Variants in PCLO observed in about 807,000 individuals in gnomAD.
PCLO encodes the protein piccolo presynaptic cytomatrix protein, also known as protein piccolo.
A neutral mutation model predicts 427.5 loss-of-function variants in PCLO; 82 were observed. The ratio of observed to expected loss-of-function variants is 0.19; its 90% confidence interval spans 0.16 to 0.23. PCLO has a LOEUF of 0.23. Among genes scored for constraint, PCLO ranks in the 10% least tolerant of loss-of-function variants. The probability of loss-of-function intolerance (pLI) is 1.00; values close to 1 mark genes in which losing one functional copy is unlikely to be tolerated. For missense variants in PCLO, 6,239 were observed against 6,115.9 expected (o/e 1.02, Z -0.67); for synonymous variants, 2,357 against 2,155.4 (o/e 1.09, Z -2.59).
At chr7:82,926,263 A>T (rs532035225) in intron 6 of PCLO, among the ~76,000 whole-genome samples, 1 of 152,314 alleles carries the variant, frequency 6.6e-6, no homozygotes, top group East Asian at 1.9e-4. Flanking sequence ...AAGTAGCAGT[A>T]TCATCACTAT....
chr7:82,920,855 T>C (rs994331440), intron 6 of PCLO, among the ~76,000 whole-genome samples: 2 of 151,828 alleles, frequency 1.3e-5, no homozygotes, highest in Non-Finnish European at 2.9e-5. Flanking sequence ...GAAAGATCTG[T>C]AGTTTTTTCA....
intron 20 of PCLO, among the ~76,000 whole-genome samples, chr7:82,812,130 T>G (rs981710475): frequency 6.6e-6 from 1 of 151,572 alleles, no homozygotes; most frequent in Non-Finnish European, 1.5e-5. Flanking sequence ...AAATCTCGTA[T>G]ATTCACAGTT....
At chr7:83,040,620 T>C (rs567878979) in intron 3 of PCLO, among the ~76,000 whole-genome samples, 1 of 152,284 alleles carries the variant, frequency 6.6e-6, no homozygotes, top group East Asian at 1.9e-4. Context: ...CTGACCTACA[T>C]ACAGTTCAGC....
At chr7:82,808,346 A>T (rs79206737) in intron 20 of PCLO, among the ~76,000 whole-genome samples, 190 of 152,042 alleles carry the variant, frequency 1.2e-3, no homozygotes, top group African/African-American at 4.5e-3. Flanking sequence ...TTTATTATCT[A>T]TGTTTCAAAA....
chr7:82,760,120 T>TG (rs1438453914), intron 24 of PCLO, among the ~76,000 whole-genome samples: 2 of 151,964 alleles, frequency 1.3e-5, no homozygotes, highest in Non-Finnish European at 2.9e-5. Context: ...TGTTGTGACT[T>TG]GGAGTATTAA....
intron 3 of PCLO, among the ~76,000 whole-genome samples, chr7:83,020,607 G>T (rs1024038572): frequency 1.3e-5 from 2 of 152,106 alleles, no homozygotes; most frequent in Admixed American, 1.3e-4. Flanking sequence ...GACAAATAAT[G>T]CTTGTGCCTT....
In PCLO at chr7:82,916,598, A is replaced by C. The variant is rs753514317; in HGVS notation, c.11388T>G (p.Ala3796=). 1.1e-5 allele frequency: 18 copies of C among 1,613,642 alleles called. No homozygotes were observed. The highest frequency in any genetic ancestry group is 1.5e-5 in the Non-Finnish European group (18 of 1,179,750). ...ELDEEEKEID[A]KLRYLEMGIN... ...TTCCCATTTCCAGGTATCGTAGCTT[A>C]GCATCAATCTCCTTTTCTTCTTCAT... is the stretch of plus-strand genomic sequence containing the variant. Residue 3796 remains alanine, a synonymous_variant, in exon 7 of 25, where the codon GCT becomes GCG. Transcript: ENST00000333891.
At chr7:82,799,970 C>T (rs1791309064) in intron 22 of PCLO, among the ~76,000 whole-genome samples, 1 of 152,090 alleles carries the variant, frequency 6.6e-6, no homozygotes, top group South Asian at 2.1e-4. Flanking sequence ...CCTGGTTGGA[C>T]ACAAATGCCT....
chr7:82,839,185 A>T (rs186080771), intron 14 of PCLO, among the ~76,000 whole-genome samples: 144 of 152,152 alleles, frequency 9.5e-4, no homozygotes, highest in African/African-American at 3.3e-3. Context: ...AGTGGAAGGG[A>T]TCCATATTTC....
chr7:82,967,638 T>G (rs1795808994), intron 3 of PCLO, among the ~76,000 whole-genome samples: 1 of 152,162 alleles, frequency 6.6e-6, no homozygotes, highest in Non-Finnish European at 1.5e-5. Flanking sequence ...TTTGATAAAC[T>G]GGTTGAGAAT....
chr7:82,857,931 A>C (rs1215539453), intron 10 of PCLO, among the ~76,000 whole-genome samples: 14 of 152,154 alleles, frequency 9.2e-5, no homozygotes, highest in Non-Finnish European at 1.5e-5. Context: ...AAAGATTAAT[A>C]TTTTAATTGA....
intron 3 of PCLO, among the ~76,000 whole-genome samples, chr7:83,025,183 G>C (rs1257622684): frequency 6.6e-6 from 1 of 151,994 alleles, no homozygotes; most frequent in Non-Finnish European, 1.5e-5. Flanking sequence ...TCAAACCAAA[G>C]GCAAAGAAGT....
At chr7:83,128,771 T>C (rs1188447041) in intron 3 of PCLO, among the ~76,000 whole-genome samples, 1 of 152,124 alleles carries the variant, frequency 6.6e-6, no homozygotes, top group Non-Finnish European at 1.5e-5. Context: ...ACACTCATAC[T>C]CACTAGAAAG....
At chr7:82,763,106 T>C (rs1473867066) in intron 22 of PCLO, among the ~76,000 whole-genome samples, 1 of 152,092 alleles carries the variant, frequency 6.6e-6, no homozygotes, top group Non-Finnish European at 1.5e-5. Flanking sequence ...ACATGAATAT[T>C]AGAAAGAAAT....
intron 3 of PCLO, among the ~76,000 whole-genome samples, chr7:83,038,081 ATATCTT>A (rs1206461678): frequency 2.5e-5 from 2 of 78,508 alleles, no homozygotes; most frequent in African/African-American, 9.3e-5. Flanking sequence ...ATTTATATAT[ATATCTT>A]TATATATATA....
chr7:83,061,261 A>G (rs1789536162), intron 3 of PCLO, among the ~76,000 whole-genome samples: 1 of 152,142 alleles, frequency 6.6e-6, no homozygotes, highest in South Asian at 2.1e-4. Context: ...GTTTTTCATT[A>G]GAGTCCTCTT....
intron 3 of PCLO, among the ~76,000 whole-genome samples, chr7:82,968,034 TAA>T (rs1473873265): frequency 6.6e-6 from 1 of 152,236 alleles, no homozygotes; most frequent in Non-Finnish European, 1.5e-5. Context: ...AAAAGATATC[TAA>T]GTTTCATTTC....
chr7:83,044,907 TG>T (rs1407969940), intron 3 of PCLO, among the ~76,000 whole-genome samples: 1 of 152,172 alleles, frequency 6.6e-6, no homozygotes, highest in Admixed American at 6.6e-5. Flanking sequence ...ATATTTCTTT[TG>T]TCATTTAACA....
chr7:82,941,880 C>CA (rs1191301958), intron 6 of PCLO, among the ~76,000 whole-genome samples: 7 of 152,018 alleles, frequency 4.6e-5, no homozygotes, highest in Non-Finnish European at 8.8e-5. Context: ...GCAATTTAAA[C>CA]AGATATACAA....
Sources: allele counts gnomAD v4.1 joint callset (sites outside exome capture counted in the v4.1 genomes callset), GRCh38; gene constraint gnomAD v4.1.1; transcripts MANE v1.5; gene names NCBI Gene and HGNC (gene_info 2026-07-23, HGNC 2026-07-21).